LOXHD1: variants seen among roughly 807,000 people sequenced by gnomAD.
The protein encoded by LOXHD1 is lipoxygenase homology PLAT domains 1, also known as lipoxygenase homology domain-containing protein 1.
LOXHD1 carries 205 observed loss-of-function variants against 248.2 expected under a neutral mutation model. The ratio of observed to expected loss-of-function variants is 0.83; its 90% confidence interval spans 0.74 to 0.93. The LOEUF is 0.93. Ranked by LOEUF, LOXHD1 falls within the 40% of genes least tolerant of loss-of-function variation. LOXHD1 has a pLI of 0.00. For synonymous variants in LOXHD1, 1,113 were observed against 1,162.8 expected (o/e 0.96, Z 0.87); for missense variants, 2,930 against 2,971.6 (o/e 0.99, Z 0.33).
At chr18:46,544,526 GTTAA>G (rs1387038853) in intron 23 of LOXHD1, among the ~76,000 whole-genome samples, 11 of 152,182 alleles carry the variant, frequency 7.2e-5, no homozygotes, top group Non-Finnish European at 1.0e-4. Context: ...AATAATTGAT[GTTAA>G]TTAATGTTTA....
intron 4 of LOXHD1, among the ~76,000 whole-genome samples, chr18:46,635,145 T>C (rs1191493589): frequency 6.6e-6 from 1 of 152,036 alleles, no homozygotes; most frequent in Non-Finnish European, 1.5e-5. Context: ...CCCTGTCTTC[T>C]GGCAGCTGAA....
At chr18:46,626,040 C>G (rs572231071) in intron 4 of LOXHD1, among the ~76,000 whole-genome samples, 1 of 152,270 alleles carries the variant, frequency 6.6e-6, no homozygotes, top group East Asian at 1.9e-4. Context: ...TGTTAAAAGC[C>G]TTAACATTGT....
chr18:46,485,004 G>C lies in LOXHD1; in HGVS notation c.6182+15C>G. On this transcript the variant is annotated intron_variant, in intron 39 of 40. Transcript: ENST00000642948. ...ACCCACCCCCCACCACTTCCCATGG[G>C]CCTCCCCTTCCTACTTCCTAAAGGC... 6.5e-7 allele frequency: 1 copy of C among 1,549,962 alleles called. No individual in the cohort carries two copies. Among genetic ancestry groups the C allele is most frequent in the Non-Finnish European group, 8.7e-7 (1 of 1,145,786 alleles).
At chr18:46,489,252 T>A (rs1293520700) in intron 37 of LOXHD1, 110 bp from the exon 38 acceptor site, 1 of 1,173,288 alleles carries the variant, frequency 8.5e-7, no homozygotes, top group Non-Finnish European at 1.2e-6. Context: ...AAGTTATCTG[T>A]CCTCTTTGGG....
intron 21 of LOXHD1, among the ~76,000 whole-genome samples, chr18:46,553,782 G>A (rs1351476696): frequency 6.6e-6 from 1 of 152,168 alleles, no homozygotes. Context: ...GAGAAATGAG[G>A]GGAAGAGGGT....
intron 3 of LOXHD1, among the ~76,000 whole-genome samples, chr18:46,641,524 A>G (rs536365979): frequency 2.0e-5 from 3 of 152,314 alleles, no homozygotes; most frequent in South Asian, 4.2e-4. Context: ...TGTGCCAGTT[A>G]CTGTTCCAAG....
At chr18:46,585,926 A>T (rs1178665878) in intron 12 of LOXHD1, among the ~76,000 whole-genome samples, 1 of 152,216 alleles carries the variant, frequency 6.6e-6, no homozygotes. Flanking sequence ...TGCTCAAGAG[A>T]ACTGAAAATA....
chr18:46,636,172 C>T (rs1489156013), intron 4 of LOXHD1, among the ~76,000 whole-genome samples: 1 of 152,188 alleles, frequency 6.6e-6, no homozygotes, highest in Admixed American at 6.5e-5. Context: ...ACCTTCTACC[C>T]AGTGGACCCC....
chr18:46,578,865 C>T (rs184975683), intron 13 of LOXHD1, among the ~76,000 whole-genome samples: 51 of 152,328 alleles, frequency 3.3e-4, no homozygotes, highest in African/African-American at 1.2e-3. Flanking sequence ...ATCCTTTCCC[C>T]ATTTCAGGCA....
intron 40 of LOXHD1, among the ~76,000 whole-genome samples, chr18:46,482,364 G>A (rs565759659): frequency 3.3e-5 from 5 of 152,166 alleles, no homozygotes; most frequent in African/African-American, 9.7e-5. Context: ...CTTACACAAA[G>A]AGGAAGAGAA....
chr18:46,543,592 G>A lies in LOXHD1; in HGVS notation c.3620-737C>T, dbSNP rs572908190. 9.2e-5 allele frequency among the ~76,000 whole-genome samples: 14 copies of A among 151,832 alleles called. No individual in the cohort carries two copies. The South Asian group carries it at 1.0e-3, about 11-fold the overall frequency. On this transcript the variant is annotated intron_variant, in intron 23 of 40. Coordinates refer to ENST00000642948, the MANE Select transcript of LOXHD1 (RefSeq NM_001384474.1). ...AACCCCCCACCCCCTGACAGGCCTC[G>A]GTGTATGATGTTCCTCTCCCTGTGT...
intron 35 of LOXHD1, among the ~76,000 whole-genome samples, chr18:46,509,022 T>C (rs969382537): frequency 1.3e-5 from 2 of 152,110 alleles, no homozygotes; most frequent in Admixed American, 6.5e-5. Context: ...GCTGCCTTCC[T>C]TTCTTGGTGG....
At chr18:46,544,799 G>T (rs1421829692) in intron 23 of LOXHD1, 1 of 471,240 alleles carries the variant, frequency 2.1e-6, no homozygotes, top group South Asian at 1.5e-5. Context: ...TCAAGGGTTA[G>T]GTCCATTTAT....
intron 17 of LOXHD1, among the ~76,000 whole-genome samples, chr18:46,564,174 C>T (rs1434415808): frequency 3.3e-5 from 5 of 151,650 alleles, no homozygotes; most frequent in African/African-American, 1.2e-4. Flanking sequence ...GTTAAAAGAG[C>T]TAAATCCTCT....
intron 7 of LOXHD1, among the ~76,000 whole-genome samples, chr18:46,602,923 C>T (rs9953113): frequency 0.017 from 2,591 of 152,252 alleles, 67 homozygotes; most frequent in East Asian, 0.075. Flanking sequence ...CACTAGGAGA[C>T]ATATAATATT....
In LOXHD1 at chr18:46,566,456, G is replaced by A. The variant is rs1599011170; in HGVS notation, c.2245-7C>T. The A allele has an allele frequency of 1.3e-6, 2 of 1,547,688 alleles. No homozygotes were observed. Among genetic ancestry groups the A allele is most frequent in the Non-Finnish European group, 1.7e-6 (2 of 1,146,628 alleles). On this transcript the variant is annotated splice_region_variant and splice_polypyrimidine_tract_variant and intron_variant, in intron 16 of 40. Coordinates refer to ENST00000642948, the MANE Select transcript of LOXHD1 (RefSeq NM_001384474.1). ...CAATCACCAGCCGGTTGATCTGAAG[G>A]AAACCCGAGTGAGGGTGAGCAAGGA... is the stretch of plus-strand genomic sequence containing the variant.
At chr18:46,512,381 C>T (rs1220750175) in intron 34 of LOXHD1, among the ~76,000 whole-genome samples, 1 of 152,032 alleles carries the variant, frequency 6.6e-6, no homozygotes, top group Non-Finnish European at 1.5e-5. Flanking sequence ...TACCCCCAAA[C>T]CAATCAGCAG....
chr18:46,498,695 G>A (rs925849941), intron 37 of LOXHD1, among the ~76,000 whole-genome samples: 1 of 152,056 alleles, frequency 6.6e-6, no homozygotes, highest in Non-Finnish European at 1.5e-5. Flanking sequence ...TTTTTATAAA[G>A]ACACAAGTCG....
At chr18:46,484,451 G>A (rs112060541) in intron 39 of LOXHD1, among the ~76,000 whole-genome samples, 1 of 152,286 alleles carries the variant, frequency 6.6e-6, no homozygotes, top group African/African-American at 2.4e-5. Flanking sequence ...TCTGCCATGT[G>A]AGGACACAGT....
Sources: gnomAD v4.1 joint callset for allele counts (sites outside exome capture counted in the v4.1 genomes callset) on GRCh38, gnomAD v4.1.1 for gene constraint, MANE v1.5 for transcripts, NCBI Gene and HGNC (gene_info 2026-07-23, HGNC 2026-07-21) for gene names.